Variants in THADA observed in about 807,000 individuals in gnomAD.
THADA encodes the protein THADA armadillo repeat containing.
Under a neutral mutation model 219.8 loss-of-function variants are expected in THADA, and 213 were observed. The observed-to-expected ratio is 0.97, with a 90% CI of 0.87 to 1.09. The LOEUF (loss-of-function observed/expected upper bound fraction) is 1.09, where lower values mean the gene tolerates loss of function less well. THADA is among the 50% of genes least tolerant of loss of function. THADA has a pLI of 0.00. For missense variants in THADA, 2,956 were observed against 2,311.3 expected (o/e 1.28, Z -5.72); for synonymous variants, 1,018 against 828.9 (o/e 1.23, Z -3.92).
chr2:43,231,164 C>T lies in THADA; in HGVS notation c.5646G>A (p.Leu1882=). 2.5e-6 allele frequency: 4 copies of T among 1,613,872 alleles called. No homozygotes were observed. In the South Asian group the frequency reaches 4.4e-5, roughly 18 times the overall value. ...QRMVSEQCHL[L]SQFFRELPPA... ...GTGGAAGCTCTCTGAAGAACTGAGA[C>T]AGGAGGTGGCACTGCTCTGACACCA... is the stretch of plus-strand genomic sequence containing the variant. The change falls in exon 38 of 38, where the codon CTG becomes CTA. Residue 1882 remains leucine, a synonymous_variant. Transcript: ENST00000405975.
At chr2:43,424,112 T>G (rs574125612) in intron 28 of THADA, among the ~76,000 whole-genome samples, 1 of 152,206 alleles carries the variant, frequency 6.6e-6, no homozygotes, top group Non-Finnish European at 1.5e-5. Flanking sequence ...CATTATAAGT[T>G]CTGTCCCAAG....
At chr2:43,291,842 T>G in intron 33 of THADA, 74 bp from the exon 34 acceptor site, 1 of 1,330,486 alleles carries the variant, frequency 7.5e-7, no homozygotes, top group Non-Finnish European at 1.0e-6. Flanking sequence ...TTTTTGCAGA[T>G]AGTCTGTAAT....
intron 26 of THADA, among the ~76,000 whole-genome samples, chr2:43,460,196 C>T (rs1199772529): frequency 7.1e-6 from 1 of 140,756 alleles, no homozygotes; most frequent in African/African-American, 2.7e-5. Flanking sequence ...TACTTACTTG[C>T]CTTTGCTCCC....
Position 43,574,385 on chromosome 2 carries a change from G to C in THADA, c.1680C>G (p.Ser560Arg), listed in dbSNP as rs1699617068. The C allele has an allele frequency of 6.2e-7, 1 of 1,607,542 alleles. No homozygotes were observed. The highest frequency in any genetic ancestry group is 2.2e-5 in the East Asian group (1 of 44,856). Residue 560 changes from serine (S) to arginine (R), a missense_variant, in exon 11 of 38, where the codon AGC becomes AGG. By Grantham distance (110) the Ser-to-Arg change is moderately radical. Transcript: ENST00000405975. ...LPKLLSYSPESLQYMVKILQT... is the reference protein window; with the variant it reads ...LPKLLSYSPERLQYMVKILQT... ...GAAGAATCTTTACCATGTACTGTAA[G>C]CTTTCAGGGCTGTAACTTAATAATT...
intron 28 of THADA, among the ~76,000 whole-genome samples, chr2:43,419,500 CTA>C (rs1399757691): frequency 3.3e-5 from 5 of 152,212 alleles, no homozygotes; most frequent in Non-Finnish European, 7.3e-5. Flanking sequence ...CCGAAACACA[CTA>C]TGTCATTATT....
intron 7 of THADA, among the ~76,000 whole-genome samples, chr2:43,583,507 T>G (rs73925553): frequency 6.6e-6 from 1 of 152,096 alleles, no homozygotes; most frequent in Non-Finnish European, 1.5e-5. Context: ...AAAAACAACT[T>G]GGTAGTTCCT....
At chr2:43,452,587 T>C (rs992219568) in intron 26 of THADA, among the ~76,000 whole-genome samples, 1 of 152,106 alleles carries the variant, frequency 6.6e-6, no homozygotes, top group African/African-American at 2.4e-5. Context: ...CAGGCCAGTT[T>C]CCAAAGAAGT....
chr2:43,585,555 G>A (rs1219067935), intron 7 of THADA, among the ~76,000 whole-genome samples: 1 of 150,350 alleles, frequency 6.7e-6, no homozygotes, highest in Admixed American at 6.7e-5. Flanking sequence ...TAGATAGATA[G>A]ATAGATAGAT....
rs1166301918 is a variant in THADA, at chr2:43,574,425, T to C, written c.1640A>G (p.Asp547Gly). The C allele has an allele frequency of 6.2e-7, 1 of 1,611,470 alleles. No individual in the cohort carries two copies. The highest frequency in any genetic ancestry group is 8.5e-7 in the Non-Finnish European group (1 of 1,178,528). ...ACTTAATAATTTTGGCAAGTAATAA[T>C]CAATCACGTAAGATTTTTGATCCAA... ...GNLDQKSYVI[D>G]YYLPKLLSYS... is the part of the protein sequence containing the mutation. Residue 547 changes from aspartate to glycine, a missense_variant, in exon 11 of 38, where the codon GAT becomes GGT. Physicochemically the swap from Asp to Gly is moderately conservative, Grantham distance 94. Transcript: ENST00000405975.
chr2:43,297,841 C>T (rs1468084144), intron 31 of THADA, among the ~76,000 whole-genome samples: 3 of 114,632 alleles, frequency 2.6e-5, no homozygotes, highest in Admixed American at 7.8e-5. Flanking sequence ...TCAGCCCCCC[C>T]GCCCGGCCAG....
chr2:43,325,016 T>A (rs1679156449), intron 30 of THADA, among the ~76,000 whole-genome samples: 1 of 152,232 alleles, frequency 6.6e-6, no homozygotes, highest in South Asian at 2.1e-4. Context: ...ACGAAGGCCC[T>A]GTTAAGAATC....
rs540513483 is a variant in THADA at position 43,237,979 on chromosome 2, C to T, written c.5297-5097G>A. Among the ~76,000 whole-genome samples the T allele has an allele frequency of 1.1e-4, 16 of 151,172 alleles. No individual in the cohort carries two copies. The South Asian group carries it at 2.3e-3, about 22-fold the overall frequency. ...ACTAAAAATACAAAAATTAGCCAGG[C>T]GTGGTGGTGGACACCTGTAGTCCCA... On this transcript the variant is annotated intron_variant, in intron 36 of 37. Coordinates refer to ENST00000405975, the MANE Select transcript of THADA (RefSeq NM_022065.5).
chr2:43,453,555 G>A (rs936385648), intron 26 of THADA, among the ~76,000 whole-genome samples: 1 of 152,148 alleles, frequency 6.6e-6, no homozygotes, highest in African/African-American at 2.4e-5. Flanking sequence ...AAGTAGGTTG[G>A]TTTCTGTATA....
chr2:43,561,960 T>C (rs571963914), intron 15 of THADA, among the ~76,000 whole-genome samples: 1 of 152,298 alleles, frequency 6.6e-6, no homozygotes, highest in Non-Finnish European at 1.5e-5. Flanking sequence ...CATAAAAGGG[T>C]ACTGAATTCT....
At chr2:43,291,255 G>A (rs1427765188) in intron 34 of THADA, among the ~76,000 whole-genome samples, 1 of 151,358 alleles carries the variant, frequency 6.6e-6, no homozygotes, top group East Asian at 1.9e-4. Flanking sequence ...TTCGAGACCA[G>A]CCTGGACAAC....
At chr2:43,240,311 T>C (rs1668488583) in intron 36 of THADA, among the ~76,000 whole-genome samples, 1 of 152,192 alleles carries the variant, frequency 6.6e-6, no homozygotes, top group Non-Finnish European at 1.5e-5. Context: ...CTGCACTTTC[T>C]TTTTTTCTGA....
chr2:43,486,332 T>C (rs1268483650), intron 25 of THADA: 3 of 152,192 alleles, frequency 2.0e-5, no homozygotes. Flanking sequence ...CAAACCAATG[T>C]GTCAAGATGC....
intron 7 of THADA, among the ~76,000 whole-genome samples, chr2:43,584,901 C>A (rs1472650308): frequency 6.6e-6 from 1 of 152,134 alleles, no homozygotes; most frequent in Non-Finnish European, 1.5e-5. Context: ...GAAGATAGCA[C>A]ACACAGATAA....
chr2:43,368,208 T>C (rs946882831), intron 29 of THADA, among the ~76,000 whole-genome samples: 2 of 152,156 alleles, frequency 1.3e-5, no homozygotes, highest in Non-Finnish European at 2.9e-5. Flanking sequence ...AGAAAAGATA[T>C]GGTTAAGATG....
Sources: allele counts gnomAD v4.1 joint callset (sites outside exome capture counted in the v4.1 genomes callset), GRCh38; gene constraint gnomAD v4.1.1; transcripts MANE v1.5; gene names NCBI Gene and HGNC (gene_info 2026-07-23, HGNC 2026-07-21).